The following ACLY variants were observed in gnomAD, a reference collection of about 807,000 sequenced individuals.
ACLY encodes ATP citrate lyase, also known as ATP-citrate synthase.
In ACLY, 41 loss-of-function variants were observed where a neutral mutation model predicts 133.0. That is an observed-to-expected ratio of 0.31 (90% CI 0.24 to 0.40). The LOEUF is 0.40. Ranked by LOEUF, ACLY falls within the 10% of genes least tolerant of loss-of-function variation. ACLY has a pLI of 1.00. For synonymous variants in ACLY, 495 were observed against 549.3 expected (o/e 0.90, Z 1.38); for missense variants, 1,046 against 1,453.8 (o/e 0.72, Z 4.56).
chr17:41,909,739 T>C lies in ACLY; in HGVS notation c.346-39A>G, dbSNP rs146051441. 129 of 1,596,840 alleles carry C rather than the reference T, an allele frequency of 8.1e-5. No homozygotes were observed. In the African/African-American group the frequency reaches 1.6e-3, roughly 20 times the overall value. ...AGACAGGACAGTGGGATTGGGGTTG[T>C]GGGGGCGAAGCTGGTGAGGGGCGCT... On this transcript the variant is annotated intron_variant, in intron 4 of 28. Coordinates refer to ENST00000352035, the MANE Select transcript of ACLY (RefSeq NM_001096.3).
chr17:41,898,438 A>C (rs1425800816), intron 12 of ACLY, among the ~76,000 whole-genome samples, 193 bp downstream of exon 12: 2 of 152,204 alleles, frequency 1.3e-5, no homozygotes, highest in African/African-American at 4.8e-5. Flanking sequence ...ATCCAATTTT[A>C]AAATCCTTTG....
Position 41,898,694 on chromosome 17 carries a change from G to A in ACLY, c.1275C>T (p.Pro425=), listed in dbSNP as rs782223277. 13 of 1,613,970 alleles carry A rather than the reference G, an allele frequency of 8.1e-6. No individual in the cohort carries two copies. The highest frequency in any genetic ancestry group is 1.1e-5 in the Non-Finnish European group (13 of 1,179,960). Residue 425 remains proline (P), a synonymous_variant, in exon 12 of 29, where the codon CCC becomes CCT. Coordinates refer to ENST00000352035, the MANE Select transcript of ACLY (RefSeq NM_001096.3). ...VGMALGHRPI[P]NQPPTAAHTA... ...TGTGGGCCGCTGTGGGTGGCTGGTT[G>A]GGGATGGGCCGGTGGCCCAGGGCCA...
chr17:41,890,921 A>G (rs890318265), intron 16 of ACLY, among the ~76,000 whole-genome samples: 2 of 150,724 alleles, frequency 1.3e-5, no homozygotes, highest in Admixed American at 1.3e-4. Context: ...CACGAGAATC[A>G]CTTGAGCCTG....
Position 41,874,922 on chromosome 17 carries a change from C to CAAAAAAAAAAAAAAA in ACLY, c.2488-972_2488-958dup, listed in dbSNP as rs76281431. On this transcript the variant is annotated intron_variant, in intron 22 of 28. Transcript: ENST00000352035. Reference sequence around the variant, plus strand: ...AGGAGAAGCATTCCTTGTGTTATAGCAAAAAAAAAAAAAAAAAAATGAGGC... The same window carrying CAAAAAAAAAAAAAAA: ...AGGAGAAGCATTCCTTGTGTTATAGCAAAAAAAAAAAAAAAAAAAAAAAAAAAAAAAAAATGAGGC... 1.6e-5 allele frequency among the ~76,000 whole-genome samples: 2 copies of CAAAAAAAAAAAAAAA among 128,190 alleles called. 1 individual carries two copies. Among genetic ancestry groups the CAAAAAAAAAAAAAAA allele is most frequent in the Non-Finnish European group, 3.2e-5 (2 of 62,322 alleles). 84.1% of individuals were successfully genotyped at this position (128,190 alleles called of 152,430 possible).
At position 41,867,688 on chromosome 17, in the gene ACLY, G is replaced by A; in HGVS notation, c.*122C>T. The A allele has an allele frequency of 4.6e-6, 3 of 649,468 alleles. No homozygotes were observed. Among genetic ancestry groups the A allele is most frequent in the South Asian group, 4.8e-5 (2 of 42,010 alleles). The allele number at this position is 649,468 out of a possible 1,614,324, so 40.2% of individuals were successfully genotyped here. ...GTTGGTCTTCGGTGCCTGTACCCCAGTGGCTGTTTACATTCCAGGCCCCTG... is the reference window on the plus strand; with the variant it reads ...GTTGGTCTTCGGTGCCTGTACCCCAATGGCTGTTTACATTCCAGGCCCCTG... On this transcript the variant is annotated 3_prime_UTR_variant, in exon 29 of 29. Coordinates refer to ENST00000352035, the MANE Select transcript of ACLY (RefSeq NM_001096.3).
chr17:41,868,749 GA>G lies in ACLY; in HGVS notation c.3170del (p.Leu1057ProfsTer23). On this transcript the variant is annotated frameshift_variant, in exon 28 of 29. Coordinates refer to ENST00000352035, the MANE Select transcript of ACLY (RefSeq NM_001096.3). LOFTEE classifies it high-confidence loss of function. ...TCCTTCCCAGCACAAAGATGCCATTGAGGGCTCCAATGTCAATATATTCATC... is the reference window on the plus strand; with the variant it reads ...TCCTTCCCAGCACAAAGATGCCATTGGGGCTCCAATGTCAATATATTCATC... The part of the protein sequence containing the change: ...EADEYIDIGA[L>X]NGIFVLGRSM... 6.2e-7 allele frequency: 1 copy of G among 1,613,534 alleles called. No homozygotes were observed. The highest frequency in any genetic ancestry group is 8.5e-7 in the Non-Finnish European group (1 of 1,179,954).
chr17:41,869,686 G>A (rs556732165), intron 25 of ACLY, 99 bp from the exon 26 acceptor site: 50 of 1,010,836 alleles, frequency 4.9e-5, no homozygotes, highest in South Asian at 2.6e-4. Context: ...ACATATCCCA[G>A]CGGCGATTCA....
intron 1 of ACLY, among the ~76,000 whole-genome samples, chr17:41,917,276 AGAT>A (rs1433353699): frequency 4.6e-5 from 7 of 152,220 alleles, no homozygotes; most frequent in Non-Finnish European, 1.0e-4. Context: ...AACAAGTAAC[AGAT>A]GATTGGGCTG....
At position 41,905,530 on chromosome 17, in the gene ACLY, T is replaced by C; in HGVS notation, c.995A>G (p.His332Arg). ...GTGTGCAAGTATCTCACCATCTGGG[T>C]GCTTCTCTCGGGTCATGAGGGAGAG... Reference protein sequence around the residue: ...TILSLMTREKHPDGKILIIGG... With the variant: ...TILSLMTREKRPDGKILIIGG... The change falls in exon 9 of 29, where the codon CAC becomes CGC. Residue 332 changes from histidine (H) to arginine (R), a missense_variant. Around this residue, in one of 4 missense-constraint regions of ACLY, gnomAD observed 575 missense variants for 804.2 expected, o/e 0.71. Coordinates refer to ENST00000352035, the MANE Select transcript of ACLY (RefSeq NM_001096.3). 6.2e-7 allele frequency: 1 copy of C among 1,614,134 alleles called. No individual in the cohort carries two copies. The highest frequency in any genetic ancestry group is 8.5e-7 in the Non-Finnish European group (1 of 1,180,026).
chr17:41,910,876 C>T (rs1036634735), intron 3 of ACLY, among the ~76,000 whole-genome samples: 5 of 152,162 alleles, frequency 3.3e-5, no homozygotes, highest in African/African-American at 9.7e-5. Context: ...CTGGCCTGTG[C>T]GTCACTGCTG....
intron 1 of ACLY, among the ~76,000 whole-genome samples, chr17:41,914,802 CT>C (rs1422080615): frequency 1.3e-5 from 2 of 152,278 alleles, no homozygotes; most frequent in Admixed American, 1.3e-4. Flanking sequence ...GAAAACTCAT[CT>C]TGGAGTTCGA....
intron 16 of ACLY, among the ~76,000 whole-genome samples, chr17:41,890,321 TA>T (rs2144299493): frequency 6.6e-6 from 1 of 152,028 alleles, no homozygotes; most frequent in South Asian, 2.1e-4. Context: ...AAATATGTAA[TA>T]TTTTTATAAT....
intron 11 of ACLY, among the ~76,000 whole-genome samples, chr17:41,900,710 G>C (rs1317228093): frequency 3.3e-5 from 5 of 152,048 alleles, no homozygotes; most frequent in Middle Eastern, 3.2e-3. Context: ...GGGTGACAAA[G>C]CAAGGCACTG....
intron 11 of ACLY, among the ~76,000 whole-genome samples, chr17:41,899,230 T>A (rs1479924718): frequency 6.6e-6 from 1 of 151,982 alleles, no homozygotes; most frequent in African/African-American, 2.4e-5. Context: ...TAAGCTGAGA[T>A]TGCGCCACTG....
chr17:41,879,126 G>A (rs1206916762), intron 20 of ACLY, among the ~76,000 whole-genome samples: 1 of 152,084 alleles, frequency 6.6e-6, no homozygotes, highest in Non-Finnish European at 1.5e-5. Flanking sequence ...TCAGGGTCAC[G>A]CAGCTAAGGT....
intron 25 of ACLY, among the ~76,000 whole-genome samples, chr17:41,871,041 G>C (rs2048584392): frequency 6.6e-6 from 1 of 152,156 alleles, no homozygotes; most frequent in South Asian, 2.1e-4. Context: ...TGCGGAATGA[G>C]GTATTATCTA....
At chr17:41,911,986 T>C (rs2049916030) in intron 3 of ACLY, among the ~76,000 whole-genome samples, 1 of 151,958 alleles carries the variant, frequency 6.6e-6, no homozygotes, top group Non-Finnish European at 1.5e-5. Context: ...TGGTGCTGCA[T>C]GCCTGTAATC....
chr17:41,928,208 G>C (rs1257592292), intron 1 of ACLY, among the ~76,000 whole-genome samples: 3 of 152,180 alleles, frequency 2.0e-5, no homozygotes, highest in Non-Finnish European at 2.9e-5. Context: ...TTTGTATATA[G>C]TGTGAGGTAA....
chr17:41,891,643 A>G (rs545958356), intron 16 of ACLY, among the ~76,000 whole-genome samples: 146 of 151,968 alleles, frequency 9.6e-4, no homozygotes, highest in Non-Finnish European at 1.7e-3. Flanking sequence ...TTGACCTCCC[A>G]AAGTGCTGGA....
Sources: gnomAD v4.1 joint callset for allele counts (sites outside exome capture counted in the v4.1 genomes callset) on GRCh38, gnomAD v4.1.1 for gene constraint, gnomAD v4.1.1 regional missense constraint, MANE v1.5 for transcripts, NCBI Gene and HGNC (gene_info 2026-07-23, HGNC 2026-07-21) for gene names.